The following TSHZ1 variants were observed in gnomAD, a reference collection of about 807,000 sequenced individuals.
TSHZ1 encodes teashirt zinc finger homeobox 1.
In TSHZ1, 12 loss-of-function variants were observed where a neutral mutation model predicts 67.1. The observed-to-expected ratio is 0.18, with a 90% CI of 0.11 to 0.29. TSHZ1 has a LOEUF of 0.29. Among genes scored for constraint, TSHZ1 ranks in the 10% least tolerant of loss-of-function variants. TSHZ1 has a pLI of 1.00. For synonymous variants in TSHZ1, 632 were observed against 622.4 expected, an observed-to-expected ratio of 1.02 and a Z score of -0.23; for missense variants, 1,305 against 1,413.9, an observed-to-expected ratio of 0.92 and a Z score of 1.23.
chr18:75,237,791 C>CATGTTTT (rs1555726448), intron 1 of TSHZ1, among the ~76,000 whole-genome samples: 12 of 143,500 alleles, frequency 8.4e-5, no homozygotes, highest in African/African-American at 3.3e-4. Context: ...TTCTTTCTTT[C>CATGTTTT]ATTTATTTAT....
chr18:75,275,890 C>A (rs2023608739), intron 1 of TSHZ1, among the ~76,000 whole-genome samples: 1 of 152,172 alleles, frequency 6.6e-6, no homozygotes, highest in Non-Finnish European at 1.5e-5. Flanking sequence ...ATAGAAGTGT[C>A]ACTTGCTTTT....
At position 75,288,335 on chromosome 18, in the gene TSHZ1, C is replaced by T; in HGVS notation, c.2928C>T (p.Ala976=). 1 of 1,614,248 alleles carries T rather than the reference C, an allele frequency of 6.2e-7. No homozygotes were observed. Among genetic ancestry groups the T allele is most frequent in the South Asian group, 1.1e-5 (1 of 91,090 alleles). ...GHPVFFCNDC[A]SQFRTASTYI... ...CTGTTTTCTTTTGCAACGATTGTGCCTCTCAGTTCAGAACTGCTTCTACAT... is the reference window on the plus strand; with the variant it reads ...CTGTTTTCTTTTGCAACGATTGTGCTTCTCAGTTCAGAACTGCTTCTACAT... The change falls in exon 2 of 2, where the codon GCC becomes GCT. Residue 976 remains alanine (A), a synonymous_variant. Transcript: ENST00000580243. The surrounding 1 kb of genome is among the most constrained non-coding windows in gnomAD (Gnocchi z 4.9).
intron 1 of TSHZ1, among the ~76,000 whole-genome samples, chr18:75,275,137 G>C (rs1398797588): frequency 6.6e-6 from 1 of 152,190 alleles, no homozygotes; most frequent in Non-Finnish European, 1.5e-5. Flanking sequence ...CGGCCTAGAG[G>C]CTGGCATTCC....
chr18:75,250,208 C>A (rs1460855012), intron 1 of TSHZ1, among the ~76,000 whole-genome samples: 1 of 152,102 alleles, frequency 6.6e-6, no homozygotes, highest in African/African-American at 2.4e-5. Context: ...CCCCATCTCA[C>A]CCCTGCTGTA....
chr18:75,269,333 C>T (rs1469064654), intron 1 of TSHZ1, among the ~76,000 whole-genome samples: 1 of 152,180 alleles, frequency 6.6e-6, no homozygotes, highest in Non-Finnish European at 1.5e-5. Context: ...TGTTAGCTGC[C>T]AGGATCCAAG....
chr18:75,279,666 C>T (rs932746170), intron 1 of TSHZ1, among the ~76,000 whole-genome samples: 6 of 152,242 alleles, frequency 3.9e-5, no homozygotes, highest in Non-Finnish European at 7.3e-5. Context: ...GGGGCAGGAG[C>T]TCACTCATGT....
At chr18:75,212,786 C>T (rs183298534) in intron 1 of TSHZ1, among the ~76,000 whole-genome samples, 1 of 152,210 alleles carries the variant, frequency 6.6e-6, no homozygotes, top group East Asian at 1.9e-4. Context: ...AGCTCACCTA[C>T]TAATCCATTG....
At chr18:75,266,790 T>G (rs1318630897) in intron 1 of TSHZ1, among the ~76,000 whole-genome samples, 1 of 152,240 alleles carries the variant, frequency 6.6e-6, no homozygotes, top group African/African-American at 2.4e-5. Context: ...TCAGTGCAAT[T>G]TGTAGCCTTA....
intron 1 of TSHZ1, among the ~76,000 whole-genome samples, chr18:75,243,198 T>C (rs755500675): frequency 5.3e-5 from 8 of 152,212 alleles, no homozygotes; most frequent in Admixed American, 2.6e-4. Flanking sequence ...TTTTAACTCT[T>C]CGTGGACTTT....
intron 1 of TSHZ1, among the ~76,000 whole-genome samples, chr18:75,273,010 T>A (rs534287330): frequency 6.6e-6 from 1 of 152,154 alleles, no homozygotes; most frequent in Non-Finnish European, 1.5e-5. Context: ...TCAGGATATT[T>A]TGCCACCGAG....
Position 75,288,051 on chromosome 18 carries a change from G to C in TSHZ1, c.2644G>C (p.Val882Leu), listed in dbSNP as rs78081605. 4.6e-5 allele frequency: 75 copies of C among 1,613,918 alleles called. No homozygotes were observed. In the East Asian group the frequency reaches 1.6e-3, roughly 35 times the overall value. ...FEEALDELSP[V>L]HKRKGRQSNW... ...GGAGGCGTTGGACGAGCTGTCACCGGTCCACAAGAGGAAGGGCCGGCAGTC... is the reference window on the plus strand; with the variant it reads ...GGAGGCGTTGGACGAGCTGTCACCGCTCCACAAGAGGAAGGGCCGGCAGTC... Residue 882 changes from valine to leucine, a missense_variant, in exon 2 of 2, where the codon GTC becomes CTC. Val to Leu is a conservative substitution (Grantham distance 32). Coordinates refer to ENST00000580243, the MANE Select transcript of TSHZ1 (RefSeq NM_001308210.2). The surrounding 1 kb of genome is among the most constrained non-coding windows in gnomAD (Gnocchi z 4.9).
chr18:75,230,312 C>A (rs540636415), intron 1 of TSHZ1, among the ~76,000 whole-genome samples: 2 of 152,268 alleles, frequency 1.3e-5, no homozygotes, highest in East Asian at 3.9e-4. Context: ...GACTGACAGG[C>A]ACCCAGAGCT....
chr18:75,241,129 G>A (rs370120241), intron 1 of TSHZ1, among the ~76,000 whole-genome samples: 5 of 152,282 alleles, frequency 3.3e-5, no homozygotes, highest in South Asian at 2.1e-4. Flanking sequence ...TATTGAGCAC[G>A]TGTTGTTTTG....
intron 1 of TSHZ1, among the ~76,000 whole-genome samples, chr18:75,228,880 G>A (rs1367534797): frequency 6.6e-6 from 1 of 152,258 alleles, no homozygotes; most frequent in African/African-American, 2.4e-5. Flanking sequence ...GGAACAAGGG[G>A]CATCCCACTT....
chr18:75,252,726 T>C (rs2023319186), intron 1 of TSHZ1, among the ~76,000 whole-genome samples: 1 of 152,164 alleles, frequency 6.6e-6, no homozygotes, highest in Admixed American at 6.5e-5. Context: ...ACCAAGAATA[T>C]AGATATATGT....
chr18:75,252,934 G>A (rs1413515479), intron 1 of TSHZ1, among the ~76,000 whole-genome samples: 1 of 152,040 alleles, frequency 6.6e-6, no homozygotes, highest in Non-Finnish European at 1.5e-5. Context: ...TTCTCCTAAA[G>A]AAACTTTAGA....
chr18:75,273,372 G>A (rs1568365900), intron 1 of TSHZ1, among the ~76,000 whole-genome samples: 2 of 152,168 alleles, frequency 1.3e-5, no homozygotes, highest in South Asian at 2.1e-4. Context: ...ATTAAGACTC[G>A]AGGGAATTTG....
chr18:75,269,158 G>C (rs138625197), intron 1 of TSHZ1, among the ~76,000 whole-genome samples: 72 of 152,336 alleles, frequency 4.7e-4, no homozygotes, highest in African/African-American at 1.6e-3. Context: ...CACCTTCCCA[G>C]GTGATTGGGC....
chr18:75,285,118 A>T (rs1241100579), intron 1 of TSHZ1: 2 of 214,654 alleles, frequency 9.3e-6, no homozygotes, highest in Non-Finnish European at 1.8e-5. Context: ...CAGAGGGAAC[A>T]GCCTATAGGA....
Sources: gnomAD v4.1 joint callset for allele counts (sites outside exome capture counted in the v4.1 genomes callset) on GRCh38, gnomAD v4.1.1 for gene constraint, Gnocchi (gnomAD v3.1) non-coding constraint, MANE v1.5 for transcripts, NCBI Gene and HGNC (gene_info 2026-07-23, HGNC 2026-07-21) for gene names.